The following KCND2 variants were observed in gnomAD, a reference collection of about 807,000 sequenced individuals.
The protein encoded by KCND2 is potassium voltage-gated channel subfamily D member 2, also known as A-type voltage-gated potassium channel KCND2.
Under a neutral mutation model 54.4 loss-of-function variants are expected in KCND2, and 16 were observed. The observed-to-expected ratio is 0.29, with a 90% CI of 0.20 to 0.45. KCND2 has a LOEUF of 0.45. KCND2 is among the 20% of genes least tolerant of loss of function. The pLI, the probability that KCND2 is intolerant of heterozygous loss-of-function variation, is 1.00. For synonymous variants in KCND2, 317 were observed against 310.7 expected (o/e 1.02, Z -0.21); for missense variants, 486 against 824.2 (o/e 0.59, Z 5.02).
intron 2 of KCND2, among the ~76,000 whole-genome samples, chr7:120,734,726 C>T (rs552374841): frequency 6.6e-6 from 1 of 152,038 alleles, no homozygotes; most frequent in African/African-American, 2.4e-5. Context: ...ATATCTTTGT[C>T]CTTTAAGGAT....
At chr7:120,432,047 G>T (rs1227376149) in intron 1 of KCND2, among the ~76,000 whole-genome samples, 1 of 152,078 alleles carries the variant, frequency 6.6e-6, no homozygotes, top group African/African-American at 2.4e-5. Context: ...ATGTATCCTA[G>T]ATATGTCTTC....
chr7:120,633,553 A>T (rs1199423786), intron 1 of KCND2, among the ~76,000 whole-genome samples: 2 of 152,220 alleles, frequency 1.3e-5, no homozygotes, highest in African/African-American at 4.8e-5. Context: ...GCCAAATTTA[A>T]TCACATATTT....
At chr7:120,441,134 A>G (rs1471810252) in intron 1 of KCND2, among the ~76,000 whole-genome samples, 5 of 152,058 alleles carry the variant, frequency 3.3e-5, no homozygotes, top group Non-Finnish European at 5.9e-5. Context: ...GGTACTGGAT[A>G]ATTTTATATA....
intron 1 of KCND2, among the ~76,000 whole-genome samples, chr7:120,383,919 A>G (rs1800951347): frequency 6.6e-6 from 1 of 152,102 alleles, no homozygotes; most frequent in African/African-American, 2.4e-5. Context: ...TGAGTTATCA[A>G]TCTAATTAAA....
intron 1 of KCND2, among the ~76,000 whole-genome samples, chr7:120,719,177 G>GAGA (rs773933731): frequency 2.0e-5 from 3 of 152,114 alleles, no homozygotes; most frequent in Non-Finnish European, 4.4e-5. Context: ...ACTTTTATAT[G>GAGA]TGGAAGTTCA....
rs1802428058 is a variant in KCND2, at chr7:120,469,805, A to C, written c.1115+194058A>C. Among the ~76,000 whole-genome samples, 4 of 152,092 alleles carry C rather than the reference A, an allele frequency of 2.6e-5. No homozygotes were observed. The South Asian group carries it at 6.2e-4, about 24-fold the overall frequency. On this transcript the variant is annotated intron_variant, in intron 1 of 5. Transcript: ENST00000331113. ...ATCTGAAACGAGTAGGCTAAATAAA[A>C]AGCTACCAGACTAACTGCATGATAC...
chr7:120,575,768 T>A (rs1792424511), intron 1 of KCND2, among the ~76,000 whole-genome samples: 1 of 152,146 alleles, frequency 6.6e-6, no homozygotes. Context: ...TGTCTGGCTA[T>A]GTTTGGTTTG....
In KCND2 at chr7:120,330,218, T is replaced by G. The variant is rs142166371; in HGVS notation, c.1115+54471T>G. 1.9e-3 allele frequency among the ~76,000 whole-genome samples: 282 copies of G among 152,192 alleles called. 1 individual carries two copies. The highest frequency in any genetic ancestry group is 6.4e-3 in the African/African-American group (267 of 41,514). On this transcript the variant is annotated intron_variant, in intron 1 of 5. Transcript: ENST00000331113. ...AAAATGAAGGTAGTAAAATACCTAC[T>G]GTAGGTGAACGTAGTGAGGAAAAAA...
chr7:120,578,916 T>A (rs888761272), intron 1 of KCND2, among the ~76,000 whole-genome samples: 3 of 146,866 alleles, frequency 2.0e-5, no homozygotes, highest in African/African-American at 5.0e-5. Context: ...AGACCCTGTC[T>A]CACACACACA....
intron 1 of KCND2, among the ~76,000 whole-genome samples, chr7:120,728,024 C>T (rs1326780835): frequency 6.6e-6 from 1 of 150,864 alleles, no homozygotes; most frequent in Non-Finnish European, 1.5e-5. Context: ...ATCCCAGCTA[C>T]TCAGAAGGCT....
intron 1 of KCND2, among the ~76,000 whole-genome samples, chr7:120,626,692 C>T (rs969699247): frequency 6.6e-5 from 10 of 152,178 alleles, no homozygotes; most frequent in Middle Eastern, 3.2e-3. Flanking sequence ...TGTATAGATT[C>T]AATATGCAAA....
At chr7:120,695,247 T>G (rs925319461) in intron 1 of KCND2, among the ~76,000 whole-genome samples, 1 of 151,202 alleles carries the variant, frequency 6.6e-6, no homozygotes, top group Non-Finnish European at 1.5e-5. Context: ...AGCTTGATAT[T>G]TCAATGGCTT....
intron 1 of KCND2, among the ~76,000 whole-genome samples, chr7:120,652,770 A>G (rs1791754033): frequency 6.6e-6 from 1 of 152,126 alleles, no homozygotes; most frequent in Non-Finnish European, 1.5e-5. Flanking sequence ...TCCCAATGCT[A>G]ATTTTAGCTC....
chr7:120,325,380 G>A lies in KCND2; in HGVS notation c.1115+49633G>A, dbSNP rs560282344. ...GAGAGGGCATCCCTGTCTTGTGCCA[G>A]TTTTCAAAGGGAATGCTTCCAGTTT... On this transcript the variant is annotated intron_variant, in intron 1 of 5. Transcript: ENST00000331113. Among the ~76,000 whole-genome samples the A allele has an allele frequency of 4.7e-3, 688 of 147,202 alleles. 7 individuals carry two copies. The highest frequency in any genetic ancestry group is 0.016 in the African/African-American group (619 of 39,658).
At chr7:120,612,655 A>T (rs560159843) in intron 1 of KCND2, among the ~76,000 whole-genome samples, 1 of 152,266 alleles carries the variant, frequency 6.6e-6, no homozygotes, top group Non-Finnish European at 1.5e-5. Context: ...ACACAGGGAA[A>T]CTCCAGGTCT....
At chr7:120,590,601 G>T (rs1792658557) in intron 1 of KCND2, among the ~76,000 whole-genome samples, 1 of 152,112 alleles carries the variant, frequency 6.6e-6, no homozygotes, top group South Asian at 2.1e-4. Context: ...TTTTGTGTCT[G>T]TATTTTTGGA....
intron 1 of KCND2, among the ~76,000 whole-genome samples, chr7:120,439,509 C>A (rs532604230): frequency 3.8e-4 from 58 of 152,062 alleles, no homozygotes; most frequent in Admixed American, 1.2e-3. Flanking sequence ...TTGTATTGGG[C>A]ACATTCAAAA....
At position 120,275,518 on chromosome 7, in the gene KCND2, C is replaced by A. The variant is rs370192333; in HGVS notation, c.886C>A (p.Arg296=). Residue 296 remains arginine (R), a synonymous_variant, in exon 1 of 6, where the codon CGG becomes AGG. Coordinates refer to ENST00000331113, the MANE Select transcript of KCND2 (RefSeq NM_012281.3). Reference sequence around the variant, plus strand: ...AGCCTTTGTCACACTCCGAGTCTTCCGGGTCTTCAGGATCTTTAAGTTTTC... The same window carrying A: ...AGCCTTTGTCACACTCCGAGTCTTCAGGGTCTTCAGGATCTTTAAGTTTTC... ...SGAFVTLRVF[R]VFRIFKFSRH... 1.2e-5 allele frequency: 19 copies of A among 1,611,198 alleles called. No homozygotes were observed. The South Asian group carries it at 1.5e-4, about 13-fold the overall frequency.
intron 1 of KCND2, among the ~76,000 whole-genome samples, chr7:120,438,330 C>T (rs950546472): frequency 1.3e-5 from 2 of 152,138 alleles, no homozygotes; most frequent in Non-Finnish European, 2.9e-5. Flanking sequence ...TCTCTTGTAA[C>T]ATCCTGTACT....
Sources: gnomAD v4.1 joint callset for allele counts (sites outside exome capture counted in the v4.1 genomes callset) on GRCh38, gnomAD v4.1.1 for gene constraint, MANE v1.5 for transcripts, NCBI Gene and HGNC (gene_info 2026-07-23, HGNC 2026-07-21) for gene names.